Variants in RBPJ observed in about 807,000 individuals in gnomAD.
RBPJ encodes recombination signal binding protein for immunoglobulin kappa J region, also known as recombining binding protein suppressor of hairless.
RBPJ carries 9 observed loss-of-function variants against 67.8 expected under a neutral mutation model. That is an observed-to-expected ratio of 0.13 (90% CI 0.08 to 0.23). RBPJ has a LOEUF of 0.23. Among genes scored for constraint, RBPJ ranks in the 10% least tolerant of loss-of-function variants. The pLI, the probability that RBPJ is intolerant of heterozygous loss-of-function variation, is 1.00. For synonymous variants in RBPJ, 198 were observed against 203.3 expected (o/e 0.97, Z 0.22); for missense variants, 305 against 595.6 (o/e 0.51, Z 5.08).
At chr4:26,327,286 A>T (rs1723729489) in intron 1 of RBPJ, among the ~76,000 whole-genome samples, 1 of 152,160 alleles carries the variant, frequency 6.6e-6, no homozygotes, top group Non-Finnish European at 1.5e-5. Context: ...AGTGGTAGTA[A>T]TTACCTATCC....
At chr4:26,175,379 G>GT (rs966417058) in intron 1 of RBPJ, among the ~76,000 whole-genome samples, 1 of 151,432 alleles carries the variant, frequency 6.6e-6, no homozygotes, top group African/African-American at 2.4e-5. Flanking sequence ...GCTTGAGCTG[G>GT]GGGGGGGATT....
At chr4:26,158,276 G>A in the RBPJ span, among the ~76,000 whole-genome samples, 1 of 152,178 alleles carries the variant, frequency 6.6e-6, no homozygotes, top group Non-Finnish European at 1.5e-5. Context: ...TCAGGACAGT[G>A]TTCTAGGTGG....
chr4:26,335,426 C>T (rs1387138552), intron 1 of RBPJ, among the ~76,000 whole-genome samples: 7 of 151,928 alleles, frequency 4.6e-5, no homozygotes, highest in African/African-American at 1.2e-4. Context: ...GTGATCCACC[C>T]GCCTTGGCCT....
intron 1 of RBPJ, among the ~76,000 whole-genome samples, chr4:26,277,887 G>C (rs1219079725): frequency 3.9e-5 from 6 of 152,168 alleles, no homozygotes; most frequent in African/African-American, 7.2e-5. Flanking sequence ...ATTCGATTCA[G>C]TGTCCATCTA....
intron 1 of RBPJ, among the ~76,000 whole-genome samples, chr4:26,182,618 T>G (rs931097021): frequency 6.6e-6 from 1 of 151,434 alleles, no homozygotes; most frequent in East Asian, 2.0e-4. Context: ...CCCAGCCTCC[T>G]GAGTAGCTGG....
the RBPJ span, among the ~76,000 whole-genome samples, chr4:26,135,919 C>T: frequency 6.6e-6 from 1 of 152,104 alleles, no homozygotes; most frequent in African/African-American, 2.4e-5. Context: ...CCAATAAAGA[C>T]ATACCTGAGA....
intron 1 of RBPJ, among the ~76,000 whole-genome samples, chr4:26,164,113 G>C (rs1478829845): frequency 7.2e-6 from 1 of 138,882 alleles, no homozygotes; most frequent in Non-Finnish European, 1.5e-5. Context: ...TGATCACGTT[G>C]GTTGTTTACA....
chr4:26,398,320 A>T (rs1387266687), intron 2 of RBPJ, among the ~76,000 whole-genome samples: 1 of 152,064 alleles, frequency 6.6e-6, no homozygotes, highest in Non-Finnish European at 1.5e-5. Flanking sequence ...CCAATCACAG[A>T]GGTGTGTAAG....
chr4:26,153,947 C>CA, the RBPJ span, among the ~76,000 whole-genome samples: 17 of 147,660 alleles, frequency 1.2e-4, no homozygotes, highest in South Asian at 2.2e-4. Flanking sequence ...GACTCCCTCT[C>CA]AAAAAAAAAA....
At chr4:26,276,840 TC>T (rs1721101496) in intron 1 of RBPJ, among the ~76,000 whole-genome samples, 2 of 152,252 alleles carry the variant, frequency 1.3e-5, no homozygotes, top group African/African-American at 4.8e-5. Context: ...TCTGTCTGTT[TC>T]CTTTGTAGCA....
intron 1 of RBPJ, among the ~76,000 whole-genome samples, chr4:26,339,738 C>A (rs1438517215): frequency 1.3e-5 from 2 of 151,642 alleles, no homozygotes; most frequent in African/African-American, 4.8e-5. Context: ...TAGAACACTT[C>A]TGGTCAGGCA....
At chr4:26,215,203 AGAG>A (rs1718649042) in intron 1 of RBPJ, among the ~76,000 whole-genome samples, 1 of 62,104 alleles carries the variant, frequency 1.6e-5, no homozygotes, top group African/African-American at 7.3e-5. Context: ...GGAAAAAGAG[AGAG>A]AAAGAAAGAG....
chr4:26,164,145 C>T (rs530350993), intron 1 of RBPJ, among the ~76,000 whole-genome samples: 5 of 152,124 alleles, frequency 3.3e-5, no homozygotes, highest in South Asian at 4.1e-4. Flanking sequence ...GATGTTGTCT[C>T]GAAACTCACC....
intron 1 of RBPJ, among the ~76,000 whole-genome samples, chr4:26,297,212 C>T (rs528835252): frequency 6.6e-6 from 1 of 152,270 alleles, no homozygotes; most frequent in South Asian, 2.1e-4. Context: ...GGGAGGATCA[C>T]TTGAACCTGG....
intron 1 of RBPJ, among the ~76,000 whole-genome samples, chr4:26,189,985 A>T (rs989214190): frequency 1.3e-5 from 2 of 152,214 alleles, no homozygotes; most frequent in Non-Finnish European, 2.9e-5. Flanking sequence ...AGATGCTGCC[A>T]TTCATAATAA....
At chr4:26,267,568 G>C (rs1231379311) in intron 1 of RBPJ, among the ~76,000 whole-genome samples, 4 of 151,666 alleles carry the variant, frequency 2.6e-5, no homozygotes, top group African/African-American at 9.7e-5. Flanking sequence ...GTATATATGT[G>C]TATAAATACA....
chr4:26,149,435 A>G, the RBPJ span, among the ~76,000 whole-genome samples: 119,097 of 152,116 alleles, frequency 0.78, 48,830 homozygotes, highest in Non-Finnish European at 0.9. Flanking sequence ...CTTTCAAGGT[A>G]TCCGTGAGTG....
At chr4:26,309,990 A>G (rs1722378133) in intron 1 of RBPJ, among the ~76,000 whole-genome samples, 1 of 152,212 alleles carries the variant, frequency 6.6e-6, no homozygotes, top group East Asian at 1.9e-4. Context: ...CACTAGAGTA[A>G]ATGGCCCATT....
At chr4:26,241,160 G>T (rs1719623066) in intron 1 of RBPJ, among the ~76,000 whole-genome samples, 1 of 150,518 alleles carries the variant, frequency 6.6e-6, no homozygotes, top group Non-Finnish European at 1.5e-5. Context: ...TCGCACCATT[G>T]CACTCTAGCC....
Sources: allele counts gnomAD v4.1 joint callset (sites outside exome capture counted in the v4.1 genomes callset), GRCh38; gene constraint gnomAD v4.1.1; transcripts MANE v1.5; gene names NCBI Gene and HGNC (gene_info 2026-07-23, HGNC 2026-07-21).